Variants in GOLGA4 observed in about 807,000 individuals in gnomAD.
GOLGA4 encodes golgin A4.
Under a neutral mutation model 265.9 loss-of-function variants are expected in GOLGA4, and 169 were observed. The observed-to-expected ratio is 0.64, with a 90% CI of 0.56 to 0.72. The LOEUF (loss-of-function observed/expected upper bound fraction) is 0.72, where lower values mean the gene tolerates loss of function less well. GOLGA4 is among the 30% of genes least tolerant of loss of function. The pLI is 0.00. For missense variants in GOLGA4, 2,482 were observed against 2,483.4 expected (o/e 1.00, Z 0.01); for synonymous variants, 923 against 855.8 (o/e 1.08, Z -1.37).
chr3:37,267,813 A>T (rs1487798144), intron 2 of GOLGA4, among the ~76,000 whole-genome samples: 2 of 152,246 alleles, frequency 1.3e-5, no homozygotes, highest in Non-Finnish European at 2.9e-5. Context: ...TGGTGATGGA[A>T]GTAGAACATT....
At chr3:37,243,665 T>G in intron 1 of GOLGA4, 43 bp downstream of exon 1, 68 of 1,500,578 alleles carry the variant, frequency 4.5e-5, no homozygotes, top group Non-Finnish European at 6.0e-5. Flanking sequence ...CGAATACCTC[T>G]TGAACCGGCC....
chr3:37,251,580 G>A, intron 2 of GOLGA4, 96 bp downstream of exon 2: 3 of 702,260 alleles, frequency 4.3e-6, no homozygotes, highest in Non-Finnish European at 4.9e-6. Flanking sequence ...TGACAGGTCA[G>A]CTATTTAATT....
Position 37,327,850 on chromosome 3 carries a change from T to G in GOLGA4, c.5939+25T>G, listed in dbSNP as rs765520652. 88 of 1,544,912 alleles carry G rather than the reference T, an allele frequency of 5.7e-5. 2 individuals are homozygous for G. In the South Asian group the frequency reaches 1.0e-3, roughly 18 times the overall value. ...AGTAAGTTTTATTTCAGCTTGAATA[T>G]TTTTATGGCAGTCCTTCTTAATTAA... On this transcript the variant is annotated intron_variant, in intron 14 of 23. Transcript: ENST00000361924.
chr3:37,334,375 T>A (rs75435026), intron 16 of GOLGA4, among the ~76,000 whole-genome samples: 5,839 of 152,260 alleles, frequency 0.038, 142 homozygotes, highest in African/African-American at 0.056. Flanking sequence ...ACTCATTTTT[T>A]TTTTCAAAAA....
rs1264069172 is a variant in GOLGA4, at chr3:37,362,237, A to AT, written c.*33+934dup. ...TATTTATTTATTTATTTATTTATTT[A>AT]TTATTTTTTTTTTTTTTGAGACGGA... is the stretch of plus-strand genomic sequence containing the variant. On this transcript the variant is annotated intron_variant, in intron 23 of 23. Coordinates refer to ENST00000361924, the MANE Select transcript of GOLGA4 (RefSeq NM_002078.5). Among the ~76,000 whole-genome samples the AT allele has an allele frequency of 1.3e-3, 69 of 54,418 alleles. 1 individual carries two copies. Among genetic ancestry groups the AT allele is most frequent in the African/African-American group, 2.1e-3 (43 of 20,416 alleles). 35.7% of individuals were successfully genotyped at this position (54,418 alleles called of 152,430 possible). A position where few individuals can be genotyped will look rare whatever the true frequency, so the allele number is the denominator to read the frequency against.
At chr3:37,265,817 G>T (rs1010732869) in intron 2 of GOLGA4, among the ~76,000 whole-genome samples, 2 of 151,876 alleles carry the variant, frequency 1.3e-5, no homozygotes, top group African/African-American at 2.4e-5. Flanking sequence ...CAGGTGGATC[G>T]CTTGAGCTCA....
chr3:37,267,647 G>T (rs1207471473), intron 2 of GOLGA4, among the ~76,000 whole-genome samples: 5 of 152,160 alleles, frequency 3.3e-5, no homozygotes, highest in Admixed American at 2.6e-4. Context: ...ACTCTACTGG[G>T]ATTGAGGTTT....
At chr3:37,337,270 G>C in intron 18 of GOLGA4, 107 bp downstream of exon 18, 1 of 661,360 alleles carries the variant, frequency 1.5e-6, no homozygotes, top group Non-Finnish European at 2.6e-6. Context: ...TGCAATCTTG[G>C]CTCACTGCAA....
chr3:37,341,594 A>G (rs2097034275), intron 20 of GOLGA4: 1 of 152,190 alleles, frequency 6.6e-6, no homozygotes, highest in Non-Finnish European at 1.5e-5. Flanking sequence ...TGCTGCAAAG[A>G]TTATTTACTA....
At position 37,306,624 on chromosome 3, in the gene GOLGA4, C is replaced by T. The variant is rs573033376; in HGVS notation, c.1234+4292C>T. On this transcript the variant is annotated intron_variant, in intron 10 of 23. Transcript: ENST00000361924. ...TTGGAAAATAGAGAAAATCACATCA[C>T]TGTTGTTTTAGTAAATTTCCATTTA... Among the ~76,000 whole-genome samples the T allele has an allele frequency of 1.2e-3, 184 of 151,564 alleles. 1 individual carries two copies. The highest frequency in any genetic ancestry group is 4.3e-3 in the African/African-American group (176 of 41,304).
chr3:37,342,419 T>C (rs906954121), intron 20 of GOLGA4, among the ~76,000 whole-genome samples: 18 of 152,172 alleles, frequency 1.2e-4, no homozygotes, highest in African/African-American at 4.3e-4. Context: ...TAGAAGCCCC[T>C]GTGTGTCTGC....
intron 21 of GOLGA4, 42 bp downstream of exon 21, chr3:37,347,338 A>G: frequency 1.8e-6 from 2 of 1,117,842 alleles, no homozygotes; most frequent in South Asian, 1.3e-5. Context: ...GCTTAATTTT[A>G]AAAGAAATAT....
intron 5 of GOLGA4, among the ~76,000 whole-genome samples, chr3:37,294,400 T>TTA (rs1398098657): frequency 2.0e-5 from 3 of 150,558 alleles, no homozygotes; most frequent in Non-Finnish European, 3.0e-5. Flanking sequence ...TTTTTTTTTT[T>TTA]TGGGAGACCA....
chr3:37,327,688 G>C lies in GOLGA4; in HGVS notation c.5802G>C (p.Gly1934=). ...ATGATCTGGAGTTTAAATTAGCCGG[G>C]GCAGAACGGGAGAAACAGAAACTGG... The part of the protein sequence containing the change: ...QHNDLEFKLA[G]AEREKQKLGK... Residue 1934 remains glycine, a synonymous_variant, in exon 14 of 24, where the codon GGG becomes GGC. Transcript: ENST00000361924. 1 of 1,613,938 alleles carries C rather than the reference G, an allele frequency of 6.2e-7. No homozygotes were observed. Among genetic ancestry groups the C allele is most frequent in the Non-Finnish European group, 8.5e-7 (1 of 1,179,916 alleles).
rs1377258900 is a variant in GOLGA4, at chr3:37,324,838, G to A, written c.2952G>A (p.Glu984=). 4.4e-6 allele frequency: 7 copies of A among 1,584,438 alleles called. No homozygotes were observed. The highest frequency in any genetic ancestry group is 6.0e-6 in the Non-Finnish European group (7 of 1,172,608). The part of the protein sequence containing the change: ...LLDQEAKLKK[E]LENTALELSQ... The stretch of plus-strand genomic sequence containing the variant: ...ATCAGGAAGCCAAACTTAAGAAAGA[G>A]CTTGAAAATACTGCTCTAGAGCTTA... Residue 984 remains glutamate, a synonymous_variant, in exon 14 of 24, where the codon GAG becomes GAA. Transcript: ENST00000361924.
chr3:37,323,920 G>C lies in GOLGA4; in HGVS notation c.2034G>C (p.Lys678Asn), dbSNP rs140442145. The C allele has an allele frequency of 1.6e-4, 265 of 1,613,580 alleles. No individual in the cohort carries two copies. Among genetic ancestry groups the C allele is most frequent in the Middle Eastern group, 1.5e-3 (9 of 6,062 alleles). The change falls in exon 14 of 24, where the codon AAG becomes AAC. Residue 678 changes from lysine (K) to asparagine (N), a missense_variant. This residue lies in a region of GOLGA4 where 1,536 missense variants were observed against 1,483.7 expected (regional missense o/e 1.04). Transcript: ENST00000361924. ...IEEMNEKTLE[K>N]LDVKQTELES... ...AAATGAATGAAAAGACTTTAGAAAA[G>C]CTTGATGTGAAGCAAACAGAACTAG...
chr3:37,299,379 A>G lies in GOLGA4; in HGVS notation c.1086+8A>G. Reference sequence around the variant, plus strand: ...CAGCTTGAACAAGATAAGGTAAAACAACAAAACCTATGATACTAAAATTTG... The same window carrying G: ...CAGCTTGAACAAGATAAGGTAAAACGACAAAACCTATGATACTAAAATTTG... On this transcript the variant is annotated splice_region_variant and intron_variant, in intron 9 of 23. Coordinates refer to ENST00000361924, the MANE Select transcript of GOLGA4 (RefSeq NM_002078.5). The G allele has an allele frequency of 6.3e-7, 1 of 1,578,076 alleles. No homozygotes were observed. The highest frequency in any genetic ancestry group is 1.3e-5 in the African/African-American group (1 of 74,294).
chr3:37,355,842 A>G (rs1249494594), intron 22 of GOLGA4, among the ~76,000 whole-genome samples: 3 of 152,024 alleles, frequency 2.0e-5, no homozygotes, highest in African/African-American at 7.2e-5. Flanking sequence ...TCCTGCCTTC[A>G]GCTCTCTCTT....
At chr3:37,266,365 A>G (rs527790070) in intron 2 of GOLGA4, among the ~76,000 whole-genome samples, 1 of 151,968 alleles carries the variant, frequency 6.6e-6, no homozygotes, top group East Asian at 1.9e-4. Context: ...ATGCCTGGCT[A>G]ATTTTTGTAT....
Sources: gnomAD v4.1 joint callset for allele counts (sites outside exome capture counted in the v4.1 genomes callset) on GRCh38, gnomAD v4.1.1 for gene constraint, gnomAD v4.1.1 regional missense constraint, MANE v1.5 for transcripts, NCBI Gene and HGNC (gene_info 2026-07-23, HGNC 2026-07-21) for gene names.